FREM2: variants seen among roughly 807,000 people sequenced by gnomAD.
FREM2 encodes the protein FRAS1-related extracellular matrix protein 2.
Under a neutral mutation model 219.9 loss-of-function variants are expected in FREM2, and 119 were observed. The observed-to-expected ratio is 0.54, with a 90% CI of 0.47 to 0.63. FREM2 has a LOEUF of 0.63. Among genes scored for constraint, FREM2 ranks in the 30% least tolerant of loss-of-function variants. The pLI is 0.00. For missense variants in FREM2, 4,030 were observed against 3,993.6 expected, an observed-to-expected ratio of 1.01 and a Z score of -0.25; for synonymous variants, 1,562 against 1,522.8, an observed-to-expected ratio of 1.03 and a Z score of -0.60.
At chr13:38,877,508 G>GT (rs773300260) in intron 21 of FREM2, among the ~76,000 whole-genome samples, 2 of 151,748 alleles carry the variant, frequency 1.3e-5, no homozygotes, top group Admixed American at 6.6e-5. Flanking sequence ...TTTCTCGAAT[G>GT]TTTTTTTTCA....
intron 6 of FREM2, among the ~76,000 whole-genome samples, chr13:38,799,557 G>A (rs2137848541): frequency 6.6e-6 from 1 of 152,062 alleles, no homozygotes; most frequent in African/African-American, 2.4e-5. Flanking sequence ...GCTGTGAGTG[G>A]GGTGTTGAAG....
chr13:38,773,580 T>G (rs142797638), intron 4 of FREM2, among the ~76,000 whole-genome samples: 176 of 152,156 alleles, frequency 1.2e-3, no homozygotes, highest in African/African-American at 4.1e-3. Context: ...TTCGTTGTGT[T>G]TGTTTGTTTT....
intron 2 of FREM2, among the ~76,000 whole-genome samples, chr13:38,701,756 T>C (rs1870351943): frequency 6.6e-6 from 1 of 152,096 alleles, no homozygotes; most frequent in Non-Finnish European, 1.5e-5. Flanking sequence ...TCATTTCCTC[T>C]CCAAAGTTGC....
chr13:38,858,690 C>A (rs1040750397), intron 13 of FREM2, among the ~76,000 whole-genome samples: 2 of 152,084 alleles, frequency 1.3e-5, no homozygotes, highest in African/African-American at 4.8e-5. Flanking sequence ...ATTGAGTCAA[C>A]AAGGCAGAGA....
chr13:38,806,808 T>C (rs1379069694), intron 6 of FREM2, among the ~76,000 whole-genome samples: 1 of 151,866 alleles, frequency 6.6e-6, no homozygotes, highest in African/African-American at 2.4e-5. Context: ...TAGAACTTCA[T>C]TCAAAATTGG....
At chr13:38,879,907 T>C (rs1054173570) in intron 23 of FREM2, among the ~76,000 whole-genome samples, 2 of 152,308 alleles carry the variant, frequency 1.3e-5, no homozygotes, top group African/African-American at 4.8e-5. Context: ...TTCAGAAGAT[T>C]TGAGCTGTAG....
At chr13:38,699,433 T>C (rs1870253583) in intron 2 of FREM2, among the ~76,000 whole-genome samples, 2 of 152,124 alleles carry the variant, frequency 1.3e-5, no homozygotes, top group South Asian at 4.1e-4. Context: ...TTCAAAATAT[T>C]AAGTGCAAAA....
intron 6 of FREM2, among the ~76,000 whole-genome samples, chr13:38,812,882 C>CA (rs201198683): frequency 0.021 from 2,820 of 132,884 alleles, 28 homozygotes; most frequent in South Asian, 0.031. Flanking sequence ...GACCCTATGT[C>CA]AAAAAAACAA....
chr13:38,795,842 G>C (rs750680246), intron 6 of FREM2, among the ~76,000 whole-genome samples: 5 of 152,088 alleles, frequency 3.3e-5, no homozygotes, highest in Non-Finnish European at 5.9e-5. Context: ...AGAATATGCA[G>C]TATCTGTCTT....
intron 6 of FREM2, among the ~76,000 whole-genome samples, chr13:38,803,824 A>G (rs951319165): frequency 4.2e-4 from 64 of 151,264 alleles, no homozygotes; most frequent in African/African-American, 1.5e-3. Flanking sequence ...AGTGCTGTTC[A>G]AAAGCTTACT....
intron 6 of FREM2, among the ~76,000 whole-genome samples, chr13:38,820,958 A>T (rs559384858): frequency 6.6e-6 from 1 of 152,314 alleles, no homozygotes; most frequent in African/African-American, 2.4e-5. Context: ...TATTAGAATG[A>T]AATATTAAGA....
At chr13:38,807,314 A>G (rs980642374) in intron 6 of FREM2, among the ~76,000 whole-genome samples, 2 of 146,304 alleles carry the variant, frequency 1.4e-5, no homozygotes, top group African/African-American at 2.5e-5. Context: ...GGCTCAAGCA[A>G]TCCTCTGACC....
At chr13:38,756,279 G>T (rs1872994357) in intron 2 of FREM2, among the ~76,000 whole-genome samples, 1 of 152,094 alleles carries the variant, frequency 6.6e-6, no homozygotes, top group Non-Finnish European at 1.5e-5. Context: ...TGCTCCTAGG[G>T]GAAATACAGG....
chr13:38,880,221 G>A, intron 23 of FREM2, 63 bp from the exon 24 acceptor site: 1 of 1,491,422 alleles, frequency 6.7e-7, no homozygotes, highest in Non-Finnish European at 9.3e-7. Flanking sequence ...CTCTTGCAAA[G>A]AGTCGTGGAT....
At position 38,809,642 on chromosome 13, in the gene FREM2, G is replaced by A. The variant is rs113439147; in HGVS notation, c.6019+24834G>A. Among the ~76,000 whole-genome samples, 927 of 152,038 alleles carry A rather than the reference G, an allele frequency of 6.1e-3. 2 individuals are homozygous for A. Among genetic ancestry groups the A allele is most frequent in the African/African-American group, 0.022 (894 of 41,518 alleles). The stretch of plus-strand genomic sequence containing the variant: ...GAAAATGAGTTTACTGTAGGTGTAC[G>A]GATTGGTTTTTTGGGTTATCTTTTT... On this transcript the variant is annotated intron_variant, in intron 6 of 23. Transcript: ENST00000280481.
chr13:38,817,168 T>C (rs149980788), intron 6 of FREM2, among the ~76,000 whole-genome samples: 2 of 152,268 alleles, frequency 1.3e-5, no homozygotes, highest in African/African-American at 2.4e-5. Context: ...ATGCAATTCC[T>C]ATCAAAATGC....
chr13:38,839,690 G>A (rs566705920), intron 6 of FREM2, among the ~76,000 whole-genome samples: 7 of 152,154 alleles, frequency 4.6e-5, no homozygotes, highest in Non-Finnish European at 8.8e-5. Flanking sequence ...TCTGGCTACC[G>A]TGGCTTTGCG....
At chr13:38,700,540 C>T (rs1331397969) in intron 2 of FREM2, among the ~76,000 whole-genome samples, 1 of 152,008 alleles carries the variant, frequency 6.6e-6, no homozygotes, top group Non-Finnish European at 1.5e-5. Context: ...GATTTCAAAC[C>T]TTCTATGTTA....
At chr13:38,873,555 C>T (rs561676698) in intron 17 of FREM2, among the ~76,000 whole-genome samples, 3 of 152,286 alleles carry the variant, frequency 2.0e-5, no homozygotes, top group South Asian at 2.1e-4. Flanking sequence ...AGTTCGAGTT[C>T]GCGAGCATTT....
Sources: allele counts gnomAD v4.1 joint callset (sites outside exome capture counted in the v4.1 genomes callset), GRCh38; gene constraint gnomAD v4.1.1; transcripts MANE v1.5; gene names NCBI Gene and HGNC (gene_info 2026-07-23, HGNC 2026-07-21).